ENOX1: variants seen among roughly 807,000 people sequenced by gnomAD.
The protein encoded by ENOX1 is candidate growth-related and time keeping constitutive hydroquinone (NADH) oxidase.
Under a neutral mutation model 82.5 loss-of-function variants are expected in ENOX1, and 42 were observed. That is an observed-to-expected ratio of 0.51 (90% CI 0.40 to 0.66). The LOEUF (loss-of-function observed/expected upper bound fraction) is 0.66, where lower values mean the gene tolerates loss of function less well. Among genes scored for constraint, ENOX1 ranks in the 30% least tolerant of loss-of-function variants. The pLI, the probability that ENOX1 is intolerant of heterozygous loss-of-function variation, is 0.00. For synonymous variants in ENOX1, 271 were observed against 282.2 expected (o/e 0.96, Z 0.40); for missense variants, 608 against 811.6 (o/e 0.75, Z 3.05).
intron 1 of ENOX1, among the ~76,000 whole-genome samples, chr13:43,747,924 G>T (rs1425558487): frequency 6.6e-6 from 1 of 152,138 alleles, no homozygotes; most frequent in African/African-American, 2.4e-5. Flanking sequence ...GCTTCAAGTA[G>T]GAATTTAGAC....
chr13:43,706,409 A>T (rs1183312196), intron 1 of ENOX1, among the ~76,000 whole-genome samples: 2 of 152,074 alleles, frequency 1.3e-5, no homozygotes, highest in Admixed American at 1.3e-4. Context: ...ACAATTTACA[A>T]TTATCACCCT....
At chr13:43,376,298 G>A (rs2051629117) in intron 5 of ENOX1, among the ~76,000 whole-genome samples, 1 of 152,210 alleles carries the variant, frequency 6.6e-6, no homozygotes, top group South Asian at 2.1e-4. Context: ...ACAGAGCTAA[G>A]TTAAACTGAA....
At chr13:43,350,713 A>G (rs1281948543) in intron 8 of ENOX1, among the ~76,000 whole-genome samples, 1 of 152,156 alleles carries the variant, frequency 6.6e-6, no homozygotes, top group Non-Finnish European at 1.5e-5. Flanking sequence ...CCAAAGGGCT[A>G]GGATTACAGG....
intron 9 of ENOX1, among the ~76,000 whole-genome samples, chr13:43,334,680 A>G (rs2153536881): frequency 6.6e-6 from 1 of 152,254 alleles, no homozygotes; most frequent in Non-Finnish European, 1.5e-5. Flanking sequence ...ACAAAAGTGT[A>G]TTGAGGAACA....
intron 2 of ENOX1, among the ~76,000 whole-genome samples, chr13:43,638,381 C>T (rs1013935621): frequency 1.3e-5 from 2 of 149,460 alleles, no homozygotes; most frequent in Non-Finnish European, 3.0e-5. Context: ...AATTAACTTG[C>T]ACTATCATCA....
intron 2 of ENOX1, among the ~76,000 whole-genome samples, chr13:43,539,091 G>A (rs563127930): frequency 2.0e-5 from 3 of 152,274 alleles, no homozygotes; most frequent in African/African-American, 7.2e-5. Flanking sequence ...CATAGTCACT[G>A]GGATTACAGG....
At chr13:43,634,317 C>T (rs2083333213) in intron 2 of ENOX1, among the ~76,000 whole-genome samples, 1 of 152,144 alleles carries the variant, frequency 6.6e-6, no homozygotes, top group Non-Finnish European at 1.5e-5. Flanking sequence ...CAAGGAAAGC[C>T]ACAATACATG....
At chr13:43,769,146 G>T (rs1016712968) in intron 1 of ENOX1, among the ~76,000 whole-genome samples, 1 of 152,140 alleles carries the variant, frequency 6.6e-6, no homozygotes, top group African/African-American at 2.4e-5. Context: ...TCCTCTTATT[G>T]TCATTAGAAA....
intron 3 of ENOX1, among the ~76,000 whole-genome samples, chr13:43,415,207 C>T (rs115563520): frequency 0.012 from 1,583 of 136,702 alleles, 16 homozygotes; most frequent in Middle Eastern, 0.042. Context: ...CAATGTATTA[C>T]ATCTCTTCAG....
chr13:43,271,652 C>T (rs1398266381), intron 12 of ENOX1, among the ~76,000 whole-genome samples: 3 of 149,158 alleles, frequency 2.0e-5, no homozygotes, highest in South Asian at 2.1e-4. Context: ...ACTTACAACT[C>T]TTCCTTCTAT....
rs143481759 is a variant in ENOX1 at position 43,769,225 on chromosome 13, A to G, written c.-285+17427T>C. Among the ~76,000 whole-genome samples the G allele has an allele frequency of 3.2e-3, 481 of 152,262 alleles. 5 individuals carry two copies. The highest frequency in any genetic ancestry group is 0.011 in the African/African-American group (456 of 41,550). ...TGAAGATACTCAAAAGACATTACCC[A>G]TAACACTGAATCTTCTGCTAGGTTT... On this transcript the variant is annotated intron_variant, in intron 1 of 16. Coordinates refer to ENST00000690772, the MANE Select transcript of ENOX1 (RefSeq NM_001347969.2).
intron 14 of ENOX1, among the ~76,000 whole-genome samples, chr13:43,263,832 T>C (rs1412943942): frequency 1.3e-5 from 2 of 151,900 alleles, no homozygotes; most frequent in African/African-American, 4.8e-5. Context: ...GTGTGTGGAG[T>C]GGATATGAAG....
At chr13:43,719,610 C>T (rs2088423449) in intron 1 of ENOX1, among the ~76,000 whole-genome samples, 1 of 152,050 alleles carries the variant, frequency 6.6e-6, no homozygotes. Flanking sequence ...CTGATTAATC[C>T]CTCATTTCAA....
At chr13:43,296,470 G>A (rs921535217) in intron 12 of ENOX1, among the ~76,000 whole-genome samples, 1 of 152,154 alleles carries the variant, frequency 6.6e-6, no homozygotes, top group African/African-American at 2.4e-5. Flanking sequence ...AGCCTCAGAA[G>A]GAACCACCCC....
chr13:43,361,194 AT>A (rs1435553888), intron 6 of ENOX1, 84 bp downstream of exon 6: 1 of 1,405,124 alleles, frequency 7.1e-7, no homozygotes, highest in African/African-American at 1.4e-5. Context: ...TGTGAGTCAC[AT>A]CTGAAAATGA....
intron 2 of ENOX1, among the ~76,000 whole-genome samples, chr13:43,621,301 CGTTTT>C (rs994155356): frequency 2.0e-5 from 3 of 151,886 alleles, no homozygotes; most frequent in Non-Finnish European, 4.4e-5. Context: ...TACTTTGTTT[CGTTTT>C]GTTTTTTTGC....
At chr13:43,702,781 T>A (rs1480690489) in intron 1 of ENOX1, among the ~76,000 whole-genome samples, 2 of 151,772 alleles carry the variant, frequency 1.3e-5, no homozygotes, top group Non-Finnish European at 2.9e-5. Context: ...TGAAACCCCA[T>A]CTCTACTAAA....
chr13:43,779,183 T>TAAAAA (rs57388902), intron 1 of ENOX1, among the ~76,000 whole-genome samples: 1 of 118,078 alleles, frequency 8.5e-6, no homozygotes, highest in Admixed American at 8.7e-5. Flanking sequence ...CCTCGTTATT[T>TAAAAA]AAAAAAAAAA....
intron 2 of ENOX1, among the ~76,000 whole-genome samples, chr13:43,626,977 T>C (rs2082991283): frequency 6.6e-6 from 1 of 151,878 alleles, no homozygotes; most frequent in Non-Finnish European, 1.5e-5. Context: ...TGTTGTCTCG[T>C]GCATTAACAT....
Sources: allele counts gnomAD v4.1 joint callset (sites outside exome capture counted in the v4.1 genomes callset), GRCh38; gene constraint gnomAD v4.1.1; transcripts MANE v1.5; gene names NCBI Gene and HGNC (gene_info 2026-07-23, HGNC 2026-07-21).